ACSBG2: variants seen among roughly 807,000 people sequenced by gnomAD.
ACSBG2 encodes long-chain-fatty-acid--CoA ligase ACSBG2.
In ACSBG2, 62 loss-of-function variants were observed where a neutral mutation model predicts 74.7. The ratio of observed to expected loss-of-function variants is 0.83; its 90% CI spans 0.68 to 1.03. The LOEUF (loss-of-function observed/expected upper bound fraction) is 1.03. Among genes scored for constraint, ACSBG2 ranks in the 50% least tolerant of loss-of-function variants. The probability of loss-of-function intolerance (pLI) is 0.00; values close to 1 mark genes in which losing one functional copy is unlikely to be tolerated. For missense variants in ACSBG2, 730 were observed against 817.6 expected (o/e 0.89, Z 1.31); for synonymous variants, 309 against 294.1 (o/e 1.05, Z -0.52).
chr19:6,151,684 TC>T, intron 3 of ACSBG2, 22 bp from the exon 4 acceptor site: 1 of 1,568,644 alleles, frequency 6.4e-7, no homozygotes, highest in Non-Finnish European at 8.7e-7. Context: ...GTTTTGTTTT[TC>T]TGTTTGCTTT....
rs1436343900 is a variant in ACSBG2 at position 6,180,807 on chromosome 19, G to A, written c.907-1944G>A. On this transcript the variant is annotated intron_variant, in intron 8 of 14. Transcript: ENST00000588485. The surrounding 1 kb of genome is among the most constrained non-coding windows in gnomAD (Gnocchi z 4.3). ...GTGAGCATCTCTTCATGTGTTTATT[G>A]ACCATTTACATATCTTCTTTGGAAA... is the stretch of plus-strand genomic sequence containing the variant. 1.3e-5 allele frequency among the ~76,000 whole-genome samples: 2 copies of A among 152,042 alleles called. No homozygotes were observed. Among genetic ancestry groups the A allele is most frequent in the Non-Finnish European group, 2.9e-5 (2 of 68,002 alleles).
chr19:6,150,427 A>C (rs552710383), intron 3 of ACSBG2, among the ~76,000 whole-genome samples: 2 of 152,138 alleles, frequency 1.3e-5, no homozygotes, highest in East Asian at 3.9e-4. Flanking sequence ...CAAGAGACAG[A>C]GGGTGGAAGC....
chr19:6,184,879 A>AAAAAACCC (rs2090363017), intron 10 of ACSBG2, among the ~76,000 whole-genome samples: 1 of 142,790 alleles, frequency 7.0e-6, no homozygotes, highest in Non-Finnish European at 1.5e-5. Flanking sequence ...AAAACGAAAA[A>AAAAAACCC]CAGCCTGCAA....
At chr19:6,187,215 G>A (rs2090432586) in intron 11 of ACSBG2, 68 bp from the exon 12 acceptor site, 2 of 1,603,356 alleles carry the variant, frequency 1.2e-6, no homozygotes, top group South Asian at 2.2e-5. Flanking sequence ...ATGTTGGCCA[G>A]GCTGGTCTCA....
chr19:6,163,783 CAA>C (rs1278911071), intron 6 of ACSBG2, among the ~76,000 whole-genome samples: 6,483 of 81,022 alleles, frequency 0.08, 355 homozygotes, highest in African/African-American at 0.18. Flanking sequence ...AAATAAAATA[CAA>C]AAAAAAAAAA....
chr19:6,176,805 G>A (rs887808096), intron 7 of ACSBG2, among the ~76,000 whole-genome samples: 4 of 152,142 alleles, frequency 2.6e-5, no homozygotes, highest in Admixed American at 6.5e-5. Flanking sequence ...CTTGGTCATA[G>A]TAGGTGCTTT....
At chr19:6,144,168 T>C (rs2088947656) in intron 2 of ACSBG2, among the ~76,000 whole-genome samples, 1 of 152,154 alleles carries the variant, frequency 6.6e-6, no homozygotes, top group Admixed American at 6.6e-5. Flanking sequence ...TGGCTAATTT[T>C]TGTATTTTTA....
rs369166900 is a variant in ACSBG2, at chr19:6,170,631, A to T, written c.738+4616A>T. ...TGCTTGGTATGATTTTGATTTTTTTAAATTTATTAAGACTTTCATTGTGGC... is the reference window on the plus strand; with the variant it reads ...TGCTTGGTATGATTTTGATTTTTTTTAATTTATTAAGACTTTCATTGTGGC... On this transcript the variant is annotated intron_variant, in intron 7 of 14. Transcript: ENST00000588485. Among the ~76,000 whole-genome samples, 17 of 152,192 alleles carry T rather than the reference A, an allele frequency of 1.1e-4. No homozygotes were observed. The East Asian group carries it at 1.9e-3, about 17-fold the overall frequency.
intron 8 of ACSBG2, among the ~76,000 whole-genome samples, chr19:6,181,642 A>G (rs1568250522): frequency 6.6e-6 from 1 of 151,714 alleles, no homozygotes; most frequent in Non-Finnish European, 1.5e-5. Context: ...AGTCACAGGG[A>G]TTTTCTTCTA....
intron 6 of ACSBG2, among the ~76,000 whole-genome samples, chr19:6,163,101 C>A (rs1256483187): frequency 6.9e-6 from 1 of 145,782 alleles, no homozygotes; most frequent in African/African-American, 2.5e-5. Flanking sequence ...ATGGAGAAAC[C>A]CTGTCTCTAC....
chr19:6,192,032 G>A (rs1406626484), intron 14 of ACSBG2: 1 of 109,744 alleles, frequency 9.1e-6, no homozygotes, highest in Non-Finnish European at 1.6e-5. Context: ...AAGATGTGCT[G>A]TAATACATAA....
chr19:6,162,892 G>T (rs1056990403), intron 6 of ACSBG2, among the ~76,000 whole-genome samples: 26 of 151,978 alleles, frequency 1.7e-4, no homozygotes, highest in Middle Eastern at 3.4e-3. Context: ...GGCGGTGGTG[G>T]AGTAGTATCA....
intron 4 of ACSBG2, among the ~76,000 whole-genome samples, chr19:6,154,711 C>A (rs1454814243): frequency 1.3e-5 from 2 of 151,816 alleles, no homozygotes; most frequent in African/African-American, 2.4e-5. Flanking sequence ...GGGGTTTCTC[C>A]ATGTTGGCCA....
chr19:6,171,703 A>G (rs1265560998), intron 7 of ACSBG2, among the ~76,000 whole-genome samples: 1 of 152,028 alleles, frequency 6.6e-6, no homozygotes, highest in African/African-American at 2.4e-5. Flanking sequence ...GGGTGGCCAT[A>G]TTGTGTAGCA....
intron 3 of ACSBG2, among the ~76,000 whole-genome samples, chr19:6,149,195 G>T (rs150673543): frequency 6.6e-4 from 100 of 152,236 alleles, no homozygotes; most frequent in African/African-American, 2.2e-3. Flanking sequence ...GTAGAAATTA[G>T]TCGGTGTAAC....
At chr19:6,155,159 G>A (rs1410294366) in intron 4 of ACSBG2, among the ~76,000 whole-genome samples, 1 of 152,096 alleles carries the variant, frequency 6.6e-6, no homozygotes, top group Non-Finnish European at 1.5e-5. Context: ...AGAGAGCCCA[G>A]AAATAGCTCC....
chr19:6,164,434 C>CTTTTT (rs542313082), intron 6 of ACSBG2, among the ~76,000 whole-genome samples: 1 of 133,876 alleles, frequency 7.5e-6, no homozygotes. Context: ...TTTGAGGGGC[C>CTTTTT]TTTTTTTTTT....
At chr19:6,186,977 G>C (rs546438585) in intron 11 of ACSBG2, among the ~76,000 whole-genome samples, 1 of 150,388 alleles carries the variant, frequency 6.6e-6, no homozygotes, top group African/African-American at 2.5e-5. Context: ...GATTACAGGT[G>C]TGAGCCACTG....
intron 2 of ACSBG2, among the ~76,000 whole-genome samples, chr19:6,147,056 G>T (rs1390579734): frequency 1.3e-5 from 2 of 151,986 alleles, no homozygotes; most frequent in Non-Finnish European, 1.5e-5. Flanking sequence ...AGCTGTGATT[G>T]TGCCAGTGCA....
Sources: gnomAD v4.1 joint callset for allele counts (sites outside exome capture counted in the v4.1 genomes callset) on GRCh38, gnomAD v4.1.1 for gene constraint, Gnocchi (gnomAD v3.1) non-coding constraint, MANE v1.5 for transcripts, NCBI Gene and HGNC (gene_info 2026-07-23, HGNC 2026-07-21) for gene names.